The following CREB3L2 variants were observed in gnomAD, a reference collection of about 807,000 sequenced individuals.
The protein encoded by CREB3L2 is cAMP responsive element binding protein 3 like 2.
CREB3L2 carries 23 observed loss-of-function variants against 57.2 expected under a neutral mutation model. The observed-to-expected ratio is 0.40, with a 90% CI of 0.29 to 0.57. The LOEUF (loss-of-function observed/expected upper bound fraction) is 0.57. Ranked by LOEUF, CREB3L2 falls within the 20% of genes least tolerant of loss-of-function variation. CREB3L2 has a pLI of 0.42. For missense variants in CREB3L2, 628 were observed against 634.7 expected, an observed-to-expected ratio of 0.99 and a Z score of 0.11; for synonymous variants, 268 against 265.1, an observed-to-expected ratio of 1.01 and a Z score of -0.11.
intron 1 of CREB3L2, among the ~76,000 whole-genome samples, chr7:137,959,083 T>C (rs866251003): frequency 6.6e-6 from 1 of 152,246 alleles, no homozygotes; most frequent in East Asian, 1.9e-4. Flanking sequence ...ATTGACTTGT[T>C]AATGAGGACT....
rs1585583008 is a variant in CREB3L2, at chr7:137,879,279, A to G, written c.*1197T>C. 1.9e-6 allele frequency: 1 copy of G among 533,608 alleles called. No homozygotes were observed. The highest frequency in any genetic ancestry group is 3.9e-5 in the East Asian group (1 of 25,546). 33.1% of individuals were successfully genotyped at this position (533,608 alleles called of 1,614,324 possible). A position where few individuals can be genotyped will look rare whatever the true frequency, so the allele number is the denominator to read the frequency against. On this transcript the variant is annotated 3_prime_UTR_variant, in exon 12 of 12. Coordinates refer to ENST00000330387, the MANE Select transcript of CREB3L2 (RefSeq NM_194071.4). ...CAAAGGTAAGAATGTGGATACACAA[A>G]TGTCACCTACCCCACCCTGCTTTGT...
Position 137,880,642 on chromosome 7 carries a change from G to T in CREB3L2, c.1488-91C>A. On this transcript the variant is annotated intron_variant, in intron 11 of 11. Transcript: ENST00000330387. This position sits in a 1 kb window ranked among gnomAD's most constrained non-coding sequence, Gnocchi z 4.0. Reference sequence around the variant, plus strand: ...TGTAGCGTGATGCAATCATTCAGGGGTTGCAACTTGGTGAGACGGCCTGGG... The same window carrying T: ...TGTAGCGTGATGCAATCATTCAGGGTTTGCAACTTGGTGAGACGGCCTGGG... 1 of 1,047,218 alleles carries T rather than the reference G, an allele frequency of 9.5e-7. No homozygotes were observed. The highest frequency in any genetic ancestry group is 1.5e-6 in the Non-Finnish European group (1 of 677,510). The allele number at this position is 1,047,218 out of a possible 1,614,324, so 64.9% of individuals were successfully genotyped here. A position where few individuals can be genotyped will look rare whatever the true frequency, so the allele number is the denominator to read the frequency against.
chr7:137,951,963 C>T (rs1801111326), intron 1 of CREB3L2, among the ~76,000 whole-genome samples: 1 of 152,176 alleles, frequency 6.6e-6, no homozygotes, highest in South Asian at 2.1e-4. Flanking sequence ...GCACTATAAC[C>T]TGGGTGACAG....
chr7:137,996,455 G>T (rs963401525), intron 1 of CREB3L2, among the ~76,000 whole-genome samples: 1 of 152,254 alleles, frequency 6.6e-6, no homozygotes, highest in African/African-American at 2.4e-5. Context: ...TGGAGGTCAT[G>T]TGACCATAAG....
At chr7:137,918,558 A>T (rs572776252) in intron 2 of CREB3L2, among the ~76,000 whole-genome samples, 14 of 152,266 alleles carry the variant, frequency 9.2e-5, no homozygotes, top group African/African-American at 3.1e-4. Flanking sequence ...GGCTGGAAGA[A>T]AGACGGTAGG....
intron 1 of CREB3L2, among the ~76,000 whole-genome samples, chr7:137,940,604 C>CTTTT (rs925972461): frequency 6.6e-6 from 1 of 152,186 alleles, no homozygotes; most frequent in Non-Finnish European, 1.5e-5. Context: ...AAATGGGTGA[C>CTTTT]TGAAAAGTGT....
rs527843239 is a variant in CREB3L2, at chr7:137,880,062, A to G, written c.*414T>C. ...CGGGTCAGTGCTTTGCCAAATACCA[A>G]CAGGCATTATGGCATTTTTGTGGCC... is the stretch of plus-strand genomic sequence containing the variant. On this transcript the variant is annotated 3_prime_UTR_variant, in exon 12 of 12. Coordinates refer to ENST00000330387, the MANE Select transcript of CREB3L2 (RefSeq NM_194071.4). The surrounding 1 kb of genome is among the most constrained non-coding windows in gnomAD (Gnocchi z 4.0). The G allele has an allele frequency of 1.5e-4, 42 of 287,102 alleles. No homozygotes were observed. Among genetic ancestry groups the G allele is most frequent in the African/African-American group, 8.5e-4 (40 of 46,954 alleles). The allele number at this position is 287,102 out of a possible 1,614,324, so 17.8% of individuals were successfully genotyped here.
chr7:137,969,493 C>T (rs1392385356), intron 1 of CREB3L2, among the ~76,000 whole-genome samples: 1 of 151,404 alleles, frequency 6.6e-6, no homozygotes, highest in Non-Finnish European at 1.5e-5. Context: ...ACTACAGGCG[C>T]CCGCCATCAC....
chr7:137,885,314 C>A, intron 9 of CREB3L2, 89 bp downstream of exon 9: 1 of 1,282,104 alleles, frequency 7.8e-7, no homozygotes, highest in Non-Finnish European at 1.1e-6. Context: ...TCTCCTACAG[C>A]ACAGCACTTG....
chr7:137,903,536 C>A (rs1776511992), intron 7 of CREB3L2, among the ~76,000 whole-genome samples: 1 of 151,540 alleles, frequency 6.6e-6, no homozygotes, highest in Non-Finnish European at 1.5e-5. Context: ...AGGCTGCCAA[C>A]CTGACATCTT....
chr7:137,897,850 T>G (rs1484349944), intron 8 of CREB3L2, among the ~76,000 whole-genome samples: 1 of 152,176 alleles, frequency 6.6e-6, no homozygotes, highest in Non-Finnish European at 1.5e-5. Flanking sequence ...CTAAATTATT[T>G]TTACAAGGAG....
chr7:137,921,397 T>A (rs1365596958), intron 2 of CREB3L2, among the ~76,000 whole-genome samples: 1 of 152,170 alleles, frequency 6.6e-6, no homozygotes, highest in African/African-American at 2.4e-5. Flanking sequence ...CTGATCGTGG[T>A]GAGAAGCAAG....
intron 8 of CREB3L2, among the ~76,000 whole-genome samples, chr7:137,897,809 T>C (rs558915167): frequency 7.2e-5 from 11 of 152,358 alleles, no homozygotes; most frequent in African/African-American, 2.4e-4. Context: ...AACATAAAGA[T>C]ACCTCTGAGT....
At chr7:137,990,905 T>C (rs1260252436) in intron 1 of CREB3L2, among the ~76,000 whole-genome samples, 9 of 152,296 alleles carry the variant, frequency 5.9e-5, no homozygotes, top group South Asian at 2.1e-4. Flanking sequence ...GATTTTTTTT[T>C]CCCCAGACTC....
chr7:137,952,920 C>T lies in CREB3L2; in HGVS notation c.103-24554G>A, dbSNP rs550186034. Among the ~76,000 whole-genome samples, 155 of 152,234 alleles carry T rather than the reference C, an allele frequency of 1.0e-3. 1 individual carries two copies. Among genetic ancestry groups the T allele is most frequent in the Non-Finnish European group, 1.7e-3 (116 of 68,016 alleles). On this transcript the variant is annotated intron_variant, in intron 1 of 11. Transcript: ENST00000330387. ...ACAACCTCCGCCTCCCGGGTTCCAG[C>T]GATTCTCCTGCCTCAGCCTCTAACG... is the stretch of plus-strand genomic sequence containing the variant.
At chr7:137,900,149 A>C (rs929443247) in intron 8 of CREB3L2, among the ~76,000 whole-genome samples, 1 of 152,148 alleles carries the variant, frequency 6.6e-6, no homozygotes, top group African/African-American at 2.4e-5. Flanking sequence ...TTAACCCTGC[A>C]CTTTCACCCC....
At chr7:137,970,115 T>G (rs1320893526) in intron 1 of CREB3L2, among the ~76,000 whole-genome samples, 1 of 152,160 alleles carries the variant, frequency 6.6e-6, no homozygotes, top group East Asian at 1.9e-4. Flanking sequence ...AAAGAGCAAG[T>G]TTCTTAACCT....
At chr7:137,960,594 A>G (rs758524412) in intron 1 of CREB3L2, among the ~76,000 whole-genome samples, 3 of 152,196 alleles carry the variant, frequency 2.0e-5, no homozygotes, top group Non-Finnish European at 4.4e-5. Context: ...ATCTAATAAA[A>G]GACAACATTG....
intron 2 of CREB3L2, among the ~76,000 whole-genome samples, chr7:137,927,045 A>T (rs6974602): frequency 0.21 from 31,978 of 151,910 alleles, 9,016 homozygotes; most frequent in African/African-American, 0.65. Context: ...TAGTCCCAGC[A>T]ACTTGGGAGG....
Sources: allele counts gnomAD v4.1 joint callset (sites outside exome capture counted in the v4.1 genomes callset), GRCh38; gene constraint gnomAD v4.1.1; non-coding constraint Gnocchi (gnomAD v3.1); transcripts MANE v1.5; gene names NCBI Gene and HGNC (gene_info 2026-07-23, HGNC 2026-07-21).